Variants in PRKG1 observed in about 807,000 individuals in gnomAD.
PRKG1 encodes protein kinase cGMP-dependent 1.
A neutral mutation model predicts 88.1 loss-of-function variants in PRKG1; 35 were observed. The observed-to-expected ratio is 0.40, with a 90% CI of 0.30 to 0.53. PRKG1 has a LOEUF of 0.53. Among genes scored for constraint, PRKG1 ranks in the 20% least tolerant of loss-of-function variants. PRKG1 has a pLI of 0.59. For missense variants in PRKG1, 540 were observed against 839.8 expected, an observed-to-expected ratio of 0.64 and a Z score of 4.41; for synonymous variants, 303 against 292.5, an observed-to-expected ratio of 1.04 and a Z score of -0.37.
intron 7 of PRKG1, among the ~76,000 whole-genome samples, chr10:52,067,779 G>A (rs1235385245): frequency 2.6e-5 from 4 of 151,250 alleles, no homozygotes; most frequent in Admixed American, 6.6e-5. Context: ...AGGGTAAAAT[G>A]TTTACTTTTT....
At chr10:52,239,354 AAAAG>A (rs925726277) in intron 9 of PRKG1, among the ~76,000 whole-genome samples, 2 of 109,596 alleles carry the variant, frequency 1.8e-5, no homozygotes, top group Non-Finnish European at 4.4e-5. Context: ...TTAAAAAAAA[AAAAG>A]AGATTCCTTT....
At chr10:52,076,298 C>T (rs779776016) in intron 7 of PRKG1, among the ~76,000 whole-genome samples, 2 of 152,156 alleles carry the variant, frequency 1.3e-5, no homozygotes, top group African/African-American at 2.4e-5. Flanking sequence ...GGCTCACGCC[C>T]GTAGTCCCAG....
chr10:52,116,554 TAAC>T (rs1847692155), intron 7 of PRKG1, among the ~76,000 whole-genome samples: 1 of 151,950 alleles, frequency 6.6e-6, no homozygotes, highest in Admixed American at 6.6e-5. Flanking sequence ...GTTTTTCTAA[TAAC>T]AACAGAGGGT....
chr10:51,054,838 G>C (rs574527933), intron 1 of PRKG1, among the ~76,000 whole-genome samples: 3 of 152,042 alleles, frequency 2.0e-5, no homozygotes, highest in Admixed American at 2.0e-4. Context: ...GTTTTCTCAC[G>C]TTTAAAATTA....
At chr10:51,750,127 G>T (rs982874704) in intron 3 of PRKG1, among the ~76,000 whole-genome samples, 1 of 151,770 alleles carries the variant, frequency 6.6e-6, no homozygotes, top group Non-Finnish European at 1.5e-5. Context: ...GTAGAGACAG[G>T]GTTTCATCAT....
chr10:52,191,450 G>T (rs1839363152), intron 9 of PRKG1, among the ~76,000 whole-genome samples: 2 of 151,918 alleles, frequency 1.3e-5, no homozygotes, highest in Non-Finnish European at 2.9e-5. Context: ...TTACAGGCAT[G>T]AGCCACTGAA....
At chr10:51,845,994 G>A (rs542657927) in intron 4 of PRKG1, among the ~76,000 whole-genome samples, 94 of 152,036 alleles carry the variant, frequency 6.2e-4, no homozygotes, top group Non-Finnish European at 1.1e-3. Context: ...TCACCTTTAT[G>A]TCTTATTACT....
chr10:51,570,543 T>A (rs1837726202), intron 3 of PRKG1, among the ~76,000 whole-genome samples: 1 of 151,876 alleles, frequency 6.6e-6, no homozygotes, highest in Non-Finnish European at 1.5e-5. Context: ...CATGAATAAA[T>A]GAAACTGTAC....
chr10:51,050,073 A>G (rs75896393), intron 1 of PRKG1, among the ~76,000 whole-genome samples: 3,487 of 152,024 alleles, frequency 0.023, 65 homozygotes, highest in African/African-American at 0.057. Flanking sequence ...TATTTTCTAC[A>G]TATTATTTTG....
At chr10:51,412,905 T>C (rs574713374) in intron 2 of PRKG1, among the ~76,000 whole-genome samples, 20 of 152,042 alleles carry the variant, frequency 1.3e-4, no homozygotes, top group Non-Finnish European at 2.6e-4. Context: ...GGGAGAAAGG[T>C]TGAGACAGTG....
chr10:52,239,508 A>C (rs927534716), intron 9 of PRKG1, among the ~76,000 whole-genome samples: 22 of 135,888 alleles, frequency 1.6e-4, no homozygotes, highest in Non-Finnish European at 2.8e-4. Flanking sequence ...TAAAAATAAA[A>C]ATTTCTACAG....
intron 3 of PRKG1, among the ~76,000 whole-genome samples, chr10:51,690,912 G>A (rs986527264): frequency 8.4e-6 from 1 of 119,198 alleles, no homozygotes; most frequent in African/African-American, 3.4e-5. Flanking sequence ...TGGCGACAGA[G>A]TGAGACTCTG....
intron 2 of PRKG1, among the ~76,000 whole-genome samples, chr10:51,332,134 G>T (rs1292441794): frequency 2.0e-5 from 3 of 152,106 alleles, no homozygotes; most frequent in Admixed American, 2.0e-4. Flanking sequence ...AGAAATGTCT[G>T]GTATGCTTTT....
intron 2 of PRKG1, among the ~76,000 whole-genome samples, chr10:51,288,613 A>T (rs1011684350): frequency 6.6e-6 from 1 of 152,202 alleles, no homozygotes; most frequent in Non-Finnish European, 1.5e-5. Flanking sequence ...TTCTATTATT[A>T]TCTTATCTTT....
chr10:51,942,298 T>G (rs1842926840), intron 5 of PRKG1, among the ~76,000 whole-genome samples: 2 of 152,124 alleles, frequency 1.3e-5, no homozygotes, highest in South Asian at 4.1e-4. Flanking sequence ...TTGATGGGGT[T>G]GTTTGTTTTT....
intron 1 of PRKG1, among the ~76,000 whole-genome samples, chr10:51,092,827 C>T (rs1357190741): frequency 2.0e-5 from 3 of 152,104 alleles, no homozygotes; most frequent in Non-Finnish European, 4.4e-5. Context: ...ATTTAAGATT[C>T]AGTTACAGAT....
At chr10:51,703,580 G>T (rs532270465) in intron 3 of PRKG1, among the ~76,000 whole-genome samples, 1 of 151,860 alleles carries the variant, frequency 6.6e-6, no homozygotes, top group East Asian at 1.9e-4. Flanking sequence ...AGTTAACTAA[G>T]TGCCTCAAAT....
chr10:51,445,321 C>A (rs1341530615), intron 2 of PRKG1, among the ~76,000 whole-genome samples: 1 of 151,790 alleles, frequency 6.6e-6, no homozygotes, highest in African/African-American at 2.4e-5. Context: ...TTATCGTAAT[C>A]ATCACAGGTG....
chr10:51,115,384 TAA>T lies in PRKG1; in HGVS notation c.312-37777_312-37776del, dbSNP rs869286319. On this transcript the variant is annotated intron_variant, in intron 1 of 17. Transcript: ENST00000373980. ...ATGTTCCTTTAAACATATATATATA[TAA>T]AACAAATGTGAAAGGGGGAGAGACA... Among the ~76,000 whole-genome samples, 4 of 80,814 alleles carry T rather than the reference TAA, an allele frequency of 4.9e-5. 1 individual carries two copies. Among genetic ancestry groups the T allele is most frequent in the East Asian group, 1.2e-3 (2 of 1,610 alleles). The allele number at this position is 80,814 out of a possible 152,430, so 53.0% of individuals were successfully genotyped here. A position where few individuals can be genotyped will look rare whatever the true frequency, so the allele number is the denominator to read the frequency against.
Sources: allele counts gnomAD v4.1 joint callset (sites outside exome capture counted in the v4.1 genomes callset), GRCh38; gene constraint gnomAD v4.1.1; transcripts MANE v1.5; gene names NCBI Gene and HGNC (gene_info 2026-07-23, HGNC 2026-07-21).